ZDHHC15: variants seen among roughly 807,000 people sequenced by gnomAD.
ZDHHC15 encodes zDHHC palmitoyltransferase 15, also known as palmitoyltransferase ZDHHC15.
Under a neutral mutation model 31.7 loss-of-function variants are expected in ZDHHC15, and 19 were observed. That is an observed-to-expected ratio of 0.60 (90% CI 0.42 to 0.88). The LOEUF (loss-of-function observed/expected upper bound fraction) is 0.88, where lower values mean the gene tolerates loss of function less well. ZDHHC15 is among the 40% of genes least tolerant of loss of function. ZDHHC15 has a pLI of 0.00. For synonymous variants in ZDHHC15, 103 were observed against 90.0 expected, an observed-to-expected ratio of 1.14 and a Z score of -0.82; for missense variants, 209 against 251.2, an observed-to-expected ratio of 0.83 and a Z score of 1.14.
intron 1 of ZDHHC15, among the ~76,000 whole-genome samples, chrX:75,516,767 A>T (rs2085364275): frequency 1.8e-5 from 2 of 112,085 alleles, no homozygotes; most frequent in African/African-American, 6.5e-5. Context: ...GCTTCTGCAC[A>T]GCAAAAGAAA....
chrX:75,515,130 G>C (rs1338439768), intron 1 of ZDHHC15, among the ~76,000 whole-genome samples: 11 of 111,103 alleles, frequency 9.9e-5, no homozygotes, highest in Non-Finnish European at 5.7e-5. Context: ...ATTCATACCC[G>C]AATTCTACCA....
At chrX:75,408,233 A>G (rs965827682) in intron 10 of ZDHHC15, among the ~76,000 whole-genome samples, 55 of 110,133 alleles carry the variant, frequency 5.0e-4, no homozygotes, top group African/African-American at 1.8e-3. Context: ...TAAAAAATAA[A>G]TAAATAAAAC....
intron 1 of ZDHHC15, among the ~76,000 whole-genome samples, chrX:75,516,200 C>T (rs943347517): frequency 4.5e-5 from 5 of 111,758 alleles, no homozygotes; most frequent in African/African-American, 1.6e-4. Flanking sequence ...CATCGAGCTA[C>T]CAATGACTTT....
intron 2 of ZDHHC15, chrX:75,502,135 G>C (rs2085097091): frequency 8.9e-6 from 1 of 111,831 alleles, no homozygotes; most frequent in African/African-American, 3.2e-5. Context: ...CTGGAGGTTA[G>C]AAGTCCAAGA....
intron 1 of ZDHHC15, among the ~76,000 whole-genome samples, chrX:75,514,287 A>G (rs1260043067): frequency 8.9e-6 from 1 of 112,886 alleles, no homozygotes; most frequent in Non-Finnish European, 1.9e-5. Flanking sequence ...TGCATAAAAC[A>G]ACAATGATAA....
intron 4 of ZDHHC15, among the ~76,000 whole-genome samples, chrX:75,438,004 T>G (rs1238905724): frequency 9.0e-6 from 1 of 111,534 alleles, no homozygotes; most frequent in Non-Finnish European, 1.9e-5. Flanking sequence ...AAGACATTTA[T>G]GCAGCCAAAA....
At chrX:75,453,501 G>A (rs1602651720) in intron 3 of ZDHHC15, among the ~76,000 whole-genome samples, 1 of 111,124 alleles carries the variant, frequency 9.0e-6, no homozygotes, top group Admixed American at 9.6e-5. Context: ...TATTTCAATT[G>A]ATAGAAAAAG....
At chrX:75,461,706 G>T (rs778077223) in intron 3 of ZDHHC15, among the ~76,000 whole-genome samples, 1 of 111,712 alleles carries the variant, frequency 9.0e-6, no homozygotes, top group South Asian at 3.7e-4. Context: ...GGAGAAATAA[G>T]ATCCTTTTCA....
At chrX:75,443,438 C>T (rs1388269436) in intron 4 of ZDHHC15, among the ~76,000 whole-genome samples, 1 of 111,580 alleles carries the variant, frequency 9.0e-6, no homozygotes, top group Non-Finnish European at 1.9e-5. Flanking sequence ...AAACTGGATC[C>T]CTTCCTTACA....
intron 7 of ZDHHC15, among the ~76,000 whole-genome samples, chrX:75,426,646 A>G: frequency 9.0e-6 from 1 of 111,317 alleles, no homozygotes; most frequent in East Asian, 2.8e-4. Flanking sequence ...ATGTATTACT[A>G]TTTTTTACAT....
At position 75,442,026 on chromosome X, in the gene ZDHHC15, G is replaced by A. The variant is rs143144099; in HGVS notation, c.379+8776C>T. Among the ~76,000 whole-genome samples the A allele has an allele frequency of 3.8e-3, 422 of 112,068 alleles. 5 individuals carry two copies. Among genetic ancestry groups the A allele is most frequent in the African/African-American group, 0.012 (376 of 30,896 alleles). On this transcript the variant is annotated intron_variant, in intron 4 of 11. Transcript: ENST00000373367. ...AAGTTAGTCCTGCCTCCTATATGCCGTATTTTTGTCTGGTTTTAATTCTGA... is the reference window on the plus strand; with the variant it reads ...AAGTTAGTCCTGCCTCCTATATGCCATATTTTTGTCTGGTTTTAATTCTGA...
intron 2 of ZDHHC15, among the ~76,000 whole-genome samples, chrX:75,498,222 C>T (rs921076703): frequency 2.7e-5 from 3 of 110,788 alleles, no homozygotes; most frequent in African/African-American, 9.9e-5. Flanking sequence ...CGTGAGCCAC[C>T]GTGCCTGGCC....
chrX:75,435,120 G>A (rs2083832447), intron 4 of ZDHHC15, among the ~76,000 whole-genome samples: 1 of 111,692 alleles, frequency 9.0e-6, no homozygotes, highest in African/African-American at 3.3e-5. Context: ...AAGTAGTGGA[G>A]TTCTTGATTT....
intron 2 of ZDHHC15, among the ~76,000 whole-genome samples, chrX:75,490,927 T>A (rs995141990): frequency 1.2e-4 from 13 of 111,854 alleles, no homozygotes; most frequent in African/African-American, 4.2e-4. Context: ...CACAATGAGA[T>A]ACCATCTCAC....
rs144451899 is a variant in ZDHHC15, at chrX:75,449,393, G to A, written c.379+1409C>T. ...TCCTGGGAATTGCAAATACCTCAAG[G>A]TCCCAGAGAATAGTCAGTAGCAAAG... On this transcript the variant is annotated intron_variant, in intron 4 of 11. Coordinates refer to ENST00000373367, the MANE Select transcript of ZDHHC15 (RefSeq NM_144969.3). Among the ~76,000 whole-genome samples, 6 of 110,896 alleles carry A rather than the reference G, an allele frequency of 5.4e-5. No individual in the cohort carries two copies. In the East Asian group the frequency reaches 1.1e-3, roughly 21 times the overall value.
intron 3 of ZDHHC15, among the ~76,000 whole-genome samples, chrX:75,460,149 A>G (rs1421703467): frequency 8.9e-6 from 1 of 112,177 alleles, no homozygotes; most frequent in African/African-American, 3.2e-5. Flanking sequence ...TGATGGGATT[A>G]CAGGCGTGAG....
chrX:75,401,917 C>T (rs1448629918), intron 10 of ZDHHC15, among the ~76,000 whole-genome samples: 2 of 111,921 alleles, frequency 1.8e-5, no homozygotes, highest in Non-Finnish European at 3.8e-5. Flanking sequence ...AAGTCTCCAC[C>T]CAAAAACAAC....
chrX:75,501,968 C>A (rs767550245), intron 2 of ZDHHC15: 3 of 111,734 alleles, frequency 2.7e-5, no homozygotes, highest in South Asian at 7.4e-4. Flanking sequence ...TTAATTAGAT[C>A]CCATTTGCCA....
At chrX:75,436,157 T>C (rs766668872) in intron 4 of ZDHHC15, among the ~76,000 whole-genome samples, 28 of 111,949 alleles carry the variant, frequency 2.5e-4, no homozygotes, top group South Asian at 2.2e-3. Flanking sequence ...CCTTGAATGA[T>C]CTTTTGTATT....
Sources: gnomAD v4.1 joint callset for allele counts (sites outside exome capture counted in the v4.1 genomes callset) on GRCh38, gnomAD v4.1.1 for gene constraint, MANE v1.5 for transcripts, NCBI Gene and HGNC (gene_info 2026-07-23, HGNC 2026-07-21) for gene names.